Variants in DDN observed in about 807,000 individuals in gnomAD.
The protein encoded by DDN is dendrin.
A neutral mutation model predicts 7.3 loss-of-function variants in DDN; 4 were observed. The ratio of observed to expected loss-of-function variants is 0.55; its 90% CI spans 0.27 to 1.25. The LOEUF (loss-of-function observed/expected upper bound fraction) is 1.25. DDN is among the 50% of genes most tolerant of loss of function. The pLI, the probability that DDN is intolerant of heterozygous loss-of-function variation, is 0.12. For missense variants in DDN, 933 were observed against 974.7 expected, an observed-to-expected ratio of 0.96 and a Z score of 0.57; for synonymous variants, 425 against 424.3, an observed-to-expected ratio of 1.00 and a Z score of -0.02.
rs779890750 is a variant in DDN at position 48,996,923 on chromosome 12, G to A, written c.1953C>T (p.Ala651=). 1.2e-6 allele frequency: 2 copies of A among 1,604,568 alleles called. No individual in the cohort carries two copies. The highest frequency in any genetic ancestry group is 1.7e-6 in the Non-Finnish European group (2 of 1,175,096). The change falls in exon 2 of 2, where the codon GCC becomes GCT. Residue 651 remains alanine (A), a synonymous_variant. Transcript: ENST00000421952. The part of the protein sequence containing the change: ...SDGSDTEAPG[A]SWRNERTLPE... The stretch of plus-strand genomic sequence containing the variant: ...GCAGGGTCCTCTCATTCCGCCAGGA[G>A]GCGCCCGGGGCTTCTGTGTCGCTTC...
chr12:48,997,675 G>A lies in DDN; in HGVS notation c.1201C>T (p.Leu401Phe). 6.4e-7 allele frequency: 1 copy of A among 1,568,306 alleles called. No homozygotes were observed. Among genetic ancestry groups the A allele is most frequent in the Non-Finnish European group, 8.7e-7 (1 of 1,155,520 alleles). Residue 401 changes from leucine (L) to phenylalanine (F), a missense_variant, in exon 2 of 2, where the codon CTC (leucine) becomes TTC (phenylalanine). By Grantham distance (22) the Leu-to-Phe change is conservative (BLOSUM62 0). Coordinates refer to ENST00000421952, the MANE Select transcript of DDN (RefSeq NM_015086.2). ...KKQPPRHSQT[L>F]PRPWAPGGTG... ...CCTCCGGGAGCCCAGGGTCTGGGGA[G>A]TGTCTGGCTATGGCGGGGCGGCTGC...
chr12:48,999,186 C>T lies in DDN; in HGVS notation c.102G>A (p.Leu34=). ...SCLWVQKSKL[L]VIEVKTISCH... ...AGGAAATAGTCTTCACTTCTATCACCAATAGCTTGGACTTCTGCACCCAGA... is the reference window on the plus strand; with the variant it reads ...AGGAAATAGTCTTCACTTCTATCACTAATAGCTTGGACTTCTGCACCCAGA... The change falls in exon 1 of 2, where the codon TTG becomes TTA. Residue 34 remains leucine (L), a synonymous_variant. Coordinates refer to ENST00000421952, the MANE Select transcript of DDN (RefSeq NM_015086.2). 6.2e-7 allele frequency: 1 copy of T among 1,613,290 alleles called. No homozygotes were observed.
chr12:48,998,766 G>T, intron 1 of DDN, 100 bp from the exon 2 acceptor site: 1 of 1,365,208 alleles, frequency 7.3e-7, no homozygotes, highest in Non-Finnish European at 9.6e-7. Flanking sequence ...GCAGCCATGT[G>T]AAGGGGTGTG....
Position 48,998,257 on chromosome 12 carries a change from G to A in DDN, c.619C>T (p.Leu207=), listed in dbSNP as rs1272919720. 20 of 1,610,420 alleles carry A rather than the reference G, an allele frequency of 1.2e-5. No homozygotes were observed. Among genetic ancestry groups the A allele is most frequent in the East Asian group, 2.2e-5 (1 of 44,820 alleles). The change falls in exon 2 of 2, where the codon CTG becomes TTG. Residue 207 remains leucine (L), a synonymous_variant. Transcript: ENST00000421952. ...RPGPPSYEAH[L]LLRGSAGTAP... ...GTCCCGGCAGAACCTCTCAGCAGCA[G>A]GTGAGCCTCGTAGCTTGGGGGCCCG...
rs1183961521 is a variant in DDN, at chr12:48,997,705, T to C, written c.1171A>G (p.Lys391Glu). The change falls in exon 2 of 2, where the codon AAA becomes GAA. Residue 391 changes from lysine (K) to glutamate (E), a missense_variant. Coordinates refer to ENST00000421952, the MANE Select transcript of DDN (RefSeq NM_015086.2). ...TGGCTATGGCGGGGCGGCTGCTTTT[T>C]AGGGGAGGGAATCCAGCATTTGGGA... The part of the protein sequence containing the change: ...WFPKCWIPSP[K>E]KQPPRHSQTL... The C allele has an allele frequency of 6.3e-7, 1 of 1,576,348 alleles. No individual in the cohort carries two copies. The highest frequency in any genetic ancestry group is 2.3e-5 in the East Asian group (1 of 44,428).
chr12:48,997,668 C>G lies in DDN; in HGVS notation c.1208G>C (p.Arg403Thr). The G allele has an allele frequency of 6.4e-7, 1 of 1,565,262 alleles. No homozygotes were observed. The highest frequency in any genetic ancestry group is 1.2e-5 in the South Asian group (1 of 83,208). Residue 403 changes from arginine (R) to threonine (T), a missense_variant, in exon 2 of 2, where the codon AGA becomes ACA. By Grantham distance (71) the Arg-to-Thr change is moderately conservative. Coordinates refer to ENST00000421952, the MANE Select transcript of DDN (RefSeq NM_015086.2). ...TCCGGTGCCTCCGGGAGCCCAGGGT[C>G]TGGGGAGTGTCTGGCTATGGCGGGG... The part of the protein sequence containing the change: ...QPPRHSQTLP[R>T]PWAPGGTGWR...
Position 48,998,298 on chromosome 12 carries a change from C to A in DDN, c.578G>T (p.Trp193Leu). 1 of 1,593,686 alleles carries A rather than the reference C, an allele frequency of 6.3e-7. No homozygotes were observed. The highest frequency in any genetic ancestry group is 8.5e-7 in the Non-Finnish European group (1 of 1,172,656). The change falls in exon 2 of 2, where the codon TGG becomes TTG. Residue 193 changes from tryptophan (W) to leucine (L), a missense_variant. Coordinates refer to ENST00000421952, the MANE Select transcript of DDN (RefSeq NM_015086.2). The part of the protein sequence containing the change: ...SDPGSAWAGP[W>L]GGRRPGPPSY... ...TGGGGGCCCGGGCCGCCGACCTCCCCAGGGCCCCGCCCACGCCGACCCTGG... is the reference window on the plus strand; with the variant it reads ...TGGGGGCCCGGGCCGCCGACCTCCCAAGGGCCCCGCCCACGCCGACCCTGG...
chr12:48,999,181 A>G lies in DDN; in HGVS notation c.107T>C (p.Ile36Thr). The change falls in exon 1 of 2, where the codon ATA becomes ACA. Residue 36 changes from isoleucine (I) to threonine (T), a missense_variant. Coordinates refer to ENST00000421952, the MANE Select transcript of DDN (RefSeq NM_015086.2). ...LWVQKSKLLV[I>T]EVKTISCHYS... ...ATGACAGGAAATAGTCTTCACTTCT[A>G]TCACCAATAGCTTGGACTTCTGCAC... 6.2e-7 allele frequency: 1 copy of G among 1,613,692 alleles called. No individual in the cohort carries two copies. Among genetic ancestry groups the G allele is most frequent in the Non-Finnish European group, 8.5e-7 (1 of 1,179,856 alleles).
rs768758235 is a variant in DDN, at chr12:48,996,854, C to T, written c.2022G>A (p.Ala674=). Residue 674 remains alanine (A), a synonymous_variant, in exon 2 of 2, where the codon GCG becomes GCA. Transcript: ENST00000421952. ...TCTCCCCGACACTGTCGCTCAGTTC[C>T]GCTGTCTTCCCATCTTCCTCTGGCG... ...NSSPEEDGKT[A]ELSDSVGEIL... is the part of the protein sequence containing the mutation. The T allele has an allele frequency of 3.1e-6, 5 of 1,614,116 alleles. No individual in the cohort carries two copies. Among genetic ancestry groups the T allele is most frequent in the South Asian group, 2.2e-5 (2 of 91,092 alleles).
rs1283211111 is a variant in DDN, at chr12:48,997,577, G to A, written c.1299C>T (p.Thr433=). Residue 433 remains threonine, a synonymous_variant, in exon 2 of 2, where the codon ACC becomes ACT. Transcript: ENST00000421952. Reference sequence around the variant, plus strand: ...TGCGGGGCAAGGTGTGGGCACGGCGGGTCGCCTTCCAACCCTCCAGGGTCT... The same window carrying A: ...TGCGGGGCAAGGTGTGGGCACGGCGAGTCGCCTTCCAACCCTCCAGGGTCT... ...GPETLEGWKA[T]RRAHTLPRSS... is the part of the protein sequence containing the mutation. The A allele has an allele frequency of 3.1e-6, 5 of 1,587,528 alleles. No individual in the cohort carries two copies. The highest frequency in any genetic ancestry group is 4.3e-6 in the Non-Finnish European group (5 of 1,164,398).
intron 1 of DDN, 133 bp downstream of exon 1, chr12:48,998,946 C>G: frequency 9.0e-7 from 1 of 1,108,318 alleles, no homozygotes; most frequent in Non-Finnish European, 1.3e-6. Context: ...AGGCCCCAGC[C>G]CTCGGGAGCG....
chr12:48,997,594 C>G lies in DDN; in HGVS notation c.1282G>C (p.Glu428Gln). 6.4e-7 allele frequency: 1 copy of G among 1,572,942 alleles called. No individual in the cohort carries two copies. The highest frequency in any genetic ancestry group is 8.6e-7 in the Non-Finnish European group (1 of 1,157,176). The part of the protein sequence containing the change: ...LGEGAGPETL[E>Q]GWKATRRAHT... Reference sequence around the variant, plus strand: ...GCACGGCGGGTCGCCTTCCAACCCTCCAGGGTCTCCGGTCCTGCCCCCTCT... The same window carrying G: ...GCACGGCGGGTCGCCTTCCAACCCTGCAGGGTCTCCGGTCCTGCCCCCTCT... The change falls in exon 2 of 2, where the codon GAG becomes CAG. Residue 428 changes from glutamate to glutamine, a missense_variant. Coordinates refer to ENST00000421952, the MANE Select transcript of DDN (RefSeq NM_015086.2).
In DDN at chr12:48,996,573, C is replaced by A; in HGVS notation, c.*167G>T. On this transcript the variant is annotated 3_prime_UTR_variant, in exon 2 of 2. Coordinates refer to ENST00000421952, the MANE Select transcript of DDN (RefSeq NM_015086.2). ...ATTCTCACCTCTCCTGAAACAAAAT[C>A]ATTAATGGGCATATGCTTCCCTTCC... 8.4e-7 allele frequency: 1 copy of A among 1,197,586 alleles called. No homozygotes were observed. The allele number at this position is 1,197,586 out of a possible 1,614,324, so 74.2% of individuals were successfully genotyped here. A position where few individuals can be genotyped will look rare whatever the true frequency, so the allele number is the denominator to read the frequency against.
chr12:48,999,008 G>T, intron 1 of DDN, 71 bp downstream of exon 1: 1 of 1,529,224 alleles, frequency 6.5e-7, no homozygotes, highest in Non-Finnish European at 9.0e-7. Flanking sequence ...GTGCTCGCTG[G>T]TGCCTGCGGG....
chr12:48,998,679 G>A lies in DDN; in HGVS notation c.210-13C>T. 2 of 1,484,980 alleles carry A rather than the reference G, an allele frequency of 1.3e-6. No individual in the cohort carries two copies. The highest frequency in any genetic ancestry group is 1.8e-6 in the Non-Finnish European group (2 of 1,127,318). 92.0% of individuals were successfully genotyped at this position (1,484,980 alleles called of 1,614,324 possible). ...GCGCGGCCCACACCTGGGACAATGA[G>A]CAGGAACCCAGGTGAGCAGTTTGTG... is the stretch of plus-strand genomic sequence containing the variant. On this transcript the variant is annotated splice_polypyrimidine_tract_variant and intron_variant, in intron 1 of 1. Transcript: ENST00000421952.
chr12:48,998,339 C>T lies in DDN; in HGVS notation c.537G>A (p.Ala179=). Residue 179 remains alanine (A), a synonymous_variant, in exon 2 of 2, where the codon GCG becomes GCA. Coordinates refer to ENST00000421952, the MANE Select transcript of DDN (RefSeq NM_015086.2). Reference sequence around the variant, plus strand: ...CCGACCCTGGGTCGCTCTGCGGCTGCGCGGATGGACGGGGCGCTCGCCCCA... The same window carrying T: ...CCGACCCTGGGTCGCTCTGCGGCTGTGCGGATGGACGGGGCGCTCGCCCCA... ...APVGRAPRPS[A]QPQSDPGSAW... The T allele has an allele frequency of 6.6e-7, 1 of 1,526,592 alleles. No homozygotes were observed. The allele number at this position is 1,526,592 out of a possible 1,614,324, so 94.6% of individuals were successfully genotyped here.
intron 1 of DDN, 22 bp downstream of exon 1, chr12:48,999,057 C>T: frequency 2.5e-6 from 4 of 1,613,422 alleles, no homozygotes; most frequent in Non-Finnish European, 2.5e-6. Flanking sequence ...CACTCTCTTC[C>T]CCTCACCCCT....
At position 48,998,160 on chromosome 12, in the gene DDN, G is replaced by C. The variant is rs200919291; in HGVS notation, c.716C>G (p.Thr239Ser). 1.7e-5 allele frequency: 28 copies of C among 1,613,192 alleles called. No individual in the cohort carries two copies. The highest frequency in any genetic ancestry group is 2.3e-5 in the Non-Finnish European group (27 of 1,179,824). ...APPSYEGPHR[T>S]LGTKRGPGNS... ...CCCGGGGCCTCTCTTAGTCCCCAAG[G>C]TCCTATGGGGGCCTTCGTAAGAAGG... The change falls in exon 2 of 2, where the codon ACC (threonine) becomes AGC (serine). Residue 239 changes from threonine to serine, a missense_variant. Transcript: ENST00000421952.
At position 48,998,832 on chromosome 12, in the gene DDN, G is replaced by A. The variant is rs953982121; in HGVS notation, c.210-166C>T. 8 of 984,084 alleles carry A rather than the reference G, an allele frequency of 8.1e-6. No individual in the cohort carries two copies. In the South Asian group the frequency reaches 8.7e-5, roughly 11 times the overall value. 61.0% of individuals were successfully genotyped at this position (984,084 alleles called of 1,614,324 possible). A position where few individuals can be genotyped will look rare whatever the true frequency, so the allele number is the denominator to read the frequency against. ...TATGTTAGGACTGAAGTCGAAGCGG[G>A]ACTCCTCGCCATCTCTCCATGCACA... On this transcript the variant is annotated intron_variant, in intron 1 of 1. Transcript: ENST00000421952.
Sources: allele counts gnomAD v4.1 joint callset, GRCh38; gene constraint gnomAD v4.1.1; transcripts MANE v1.5; gene names NCBI Gene and HGNC (gene_info 2026-07-23, HGNC 2026-07-21).